The following AFF1 variants were observed in gnomAD, a reference collection of about 807,000 sequenced individuals.
AFF1 encodes the protein ALF transcription elongation factor 1, also known as AF4/FMR2 family member 1.
A neutral mutation model predicts 121.7 loss-of-function variants in AFF1; 48 were observed. That is an observed-to-expected ratio of 0.39 (90% CI 0.31 to 0.50). The LOEUF (loss-of-function observed/expected upper bound fraction) is 0.50. Among genes scored for constraint, AFF1 ranks in the 20% least tolerant of loss-of-function variants. The pLI, the probability that AFF1 is intolerant of heterozygous loss-of-function variation, is 0.76. For synonymous variants in AFF1, 613 were observed against 563.0 expected (o/e 1.09, Z -1.26); for missense variants, 1,523 against 1,511.7 (o/e 1.01, Z -0.12).
At chr4:87,132,672 TGAG>T (rs1728942374) in intron 19 of AFF1, among the ~76,000 whole-genome samples, 1 of 152,162 alleles carries the variant, frequency 6.6e-6, no homozygotes, top group Non-Finnish European at 1.5e-5. Flanking sequence ...TTTTGAGCTT[TGAG>T]GTTTTTGTTT....
intron 1 of AFF1, among the ~76,000 whole-genome samples, chr4:86,944,172 T>C (rs969843964): frequency 4.1e-5 from 6 of 146,738 alleles, no homozygotes; most frequent in Non-Finnish European, 7.5e-5. Context: ...AAGTCTTCCC[T>C]AGTGTGTGGA....
chr4:87,082,553 T>A (rs1434387503), intron 4 of AFF1, among the ~76,000 whole-genome samples: 2 of 152,220 alleles, frequency 1.3e-5, no homozygotes, highest in African/African-American at 4.8e-5. Context: ...ATTTTATTTT[T>A]AAATTTTTGT....
intron 2 of AFF1, among the ~76,000 whole-genome samples, chr4:87,016,830 C>G (rs778742288): frequency 1.2e-4 from 18 of 152,150 alleles, no homozygotes; most frequent in Non-Finnish European, 2.6e-4. Context: ...TTTCTTGCAT[C>G]TGACTCTCTT....
rs151120857 is a variant in AFF1, at chr4:87,055,015, T to C, written c.1059+7421T>C. ...TGGCAATCTTTAGAGTTTCTCTCTC[T>C]CACCCGGGCTGGAATGCAGTAGCAC... On this transcript the variant is annotated intron_variant, in intron 4 of 20. Coordinates refer to ENST00000395146, the MANE Select transcript of AFF1 (RefSeq NM_001166693.3). 2.9e-3 allele frequency among the ~76,000 whole-genome samples: 442 copies of C among 152,278 alleles called. 2 individuals are homozygous for C. Among genetic ancestry groups the C allele is most frequent in the African/African-American group, 0.01 (416 of 41,560 alleles).
intron 2 of AFF1, among the ~76,000 whole-genome samples, chr4:87,032,723 A>G (rs1323022858): frequency 3.9e-5 from 6 of 152,178 alleles, no homozygotes; most frequent in Admixed American, 3.9e-4. Context: ...GATCCTTGAC[A>G]TTTAATTTTG....
At chr4:87,088,820 C>T (rs140485699) in intron 5 of AFF1, among the ~76,000 whole-genome samples, 3,047 of 151,994 alleles carry the variant, frequency 0.02, 109 homozygotes, top group African/African-American at 0.07. Flanking sequence ...TCTTGTTGCC[C>T]AGGCTGGAGT....
At chr4:87,115,360 T>A in intron 12 of AFF1, 61 bp downstream of exon 12, 4 of 1,415,712 alleles carry the variant, frequency 2.8e-6, no homozygotes, top group Non-Finnish European at 3.8e-6. Context: ...GGCCTGGCGG[T>A]ATCTTTGATC....
chr4:87,022,543 G>GATATATAT (rs1156817444), intron 2 of AFF1, among the ~76,000 whole-genome samples: 37 of 80,162 alleles, frequency 4.6e-4, no homozygotes, highest in African/African-American at 1.4e-3. Context: ...CGTGCTTACA[G>GATATATAT]ATATATATAT....
chr4:87,101,698 T>C (rs749151904), intron 8 of AFF1, among the ~76,000 whole-genome samples: 13 of 152,244 alleles, frequency 8.5e-5, no homozygotes, highest in Non-Finnish European at 1.3e-4. Context: ...TGAGATTCTA[T>C]AAGTTTACAC....
In AFF1 at chr4:86,998,866, CAGTAT is replaced by C. The variant is rs533343607; in HGVS notation, c.39-47299_39-47295del. 3.5e-4 allele frequency among the ~76,000 whole-genome samples: 53 copies of C among 152,262 alleles called. 1 individual carries two copies. The highest frequency in any genetic ancestry group is 3.1e-3 in the Admixed American group (47 of 15,290). ...CTTCCCACTCCCATCCCTCTACTTT[CAGTAT>C]CTCAAGAAATCTCTGGGATTTTGGT... On this transcript the variant is annotated intron_variant, in intron 2 of 20. Transcript: ENST00000395146.
At chr4:86,999,969 G>T (rs1725558877) in intron 2 of AFF1, among the ~76,000 whole-genome samples, 1 of 152,136 alleles carries the variant, frequency 6.6e-6, no homozygotes, top group African/African-American at 2.4e-5. Flanking sequence ...GAAAGGAAAG[G>T]GTGCTCGAAA....
chr4:87,133,679 T>C (rs1238780105), intron 19 of AFF1, among the ~76,000 whole-genome samples: 2 of 152,234 alleles, frequency 1.3e-5, no homozygotes, highest in Admixed American at 6.5e-5. Flanking sequence ...ACTCTACTCC[T>C]TGCAAATGTA....
chr4:87,007,010 C>T, intron 2 of AFF1: 1 of 1,113,498 alleles, frequency 9.0e-7, no homozygotes, highest in South Asian at 3.5e-5. Context: ...TCCTTTCTAA[C>T]TGTGGCCCGC....
chr4:87,055,988 A>G (rs931872418), intron 4 of AFF1, among the ~76,000 whole-genome samples: 20 of 152,090 alleles, frequency 1.3e-4, no homozygotes, highest in Non-Finnish European at 2.6e-4. Context: ...AACTCTATTG[A>G]TGGTTTTTCC....
chr4:87,071,199 G>A (rs1467384114), intron 4 of AFF1, among the ~76,000 whole-genome samples: 3 of 149,602 alleles, frequency 2.0e-5, no homozygotes, highest in African/African-American at 7.4e-5. Context: ...TTAAATACAG[G>A]GTTCTAGGTT....
intron 2 of AFF1, among the ~76,000 whole-genome samples, chr4:87,007,967 G>C (rs1273536041): frequency 6.6e-6 from 1 of 152,168 alleles, no homozygotes; most frequent in Non-Finnish European, 1.5e-5. Context: ...AACGCGCCGG[G>C]GTGGTGAAGG....
chr4:87,090,146 A>C (rs773342661), intron 6 of AFF1, 76 bp downstream of exon 6: 100 of 1,186,168 alleles, frequency 8.4e-5, no homozygotes, highest in Non-Finnish European at 1.2e-4. Context: ...AGGCAGATTG[A>C]TAAAGTATTA....
intron 1 of AFF1, among the ~76,000 whole-genome samples, chr4:86,942,244 A>G (rs76896249): frequency 3.0e-3 from 459 of 152,294 alleles, no homozygotes; most frequent in African/African-American, 0.01. Flanking sequence ...AATGAGGACA[A>G]TGCCTTGTAC....
intron 11 of AFF1, among the ~76,000 whole-genome samples, chr4:87,109,587 A>G (rs542151726): frequency 1.2e-4 from 19 of 152,234 alleles, no homozygotes; most frequent in Non-Finnish European, 2.2e-4. Flanking sequence ...AATTGTGTTT[A>G]TAAGATCTTT....
Sources: gnomAD v4.1 joint callset for allele counts (sites outside exome capture counted in the v4.1 genomes callset) on GRCh38, gnomAD v4.1.1 for gene constraint, MANE v1.5 for transcripts, NCBI Gene and HGNC (gene_info 2026-07-23, HGNC 2026-07-21) for gene names.